The following DCLK1 variants were observed in gnomAD, a reference collection of about 807,000 sequenced individuals.
DCLK1 encodes the protein serine/threonine-protein kinase DCLK1.
Under a neutral mutation model 86.2 loss-of-function variants are expected in DCLK1, and 16 were observed. That is an observed-to-expected ratio of 0.19 (90% CI 0.13 to 0.28). DCLK1 has a LOEUF of 0.28. DCLK1 is among the 10% of genes least tolerant of loss of function. DCLK1 has a pLI of 1.00. For synonymous variants in DCLK1, 369 were observed against 370.5 expected (o/e 1.00, Z 0.05); for missense variants, 590 against 940.2 (o/e 0.63, Z 4.87).
At chr13:35,918,479 T>C (rs894655469) in intron 4 of DCLK1, among the ~76,000 whole-genome samples, 1 of 152,168 alleles carries the variant, frequency 6.6e-6, no homozygotes, top group Non-Finnish European at 1.5e-5. Context: ...ATATGACACT[T>C]ATTGCATAGT....
intron 4 of DCLK1, among the ~76,000 whole-genome samples, chr13:35,912,640 A>G (rs1433232343): frequency 6.6e-6 from 1 of 152,144 alleles, no homozygotes. Context: ...TCTATCACTA[A>G]GTAAAATTTT....
At chr13:35,805,564 G>A (rs994250071) in intron 15 of DCLK1, 135 bp downstream of exon 15, 5 of 827,724 alleles carry the variant, frequency 6.0e-6, no homozygotes, top group South Asian at 2.0e-5. Flanking sequence ...CTCCCAAAGG[G>A]CTGAGATTAC....
intron 3 of DCLK1, among the ~76,000 whole-genome samples, chr13:36,070,702 C>T (rs1883943494): frequency 1.3e-5 from 2 of 151,802 alleles, no homozygotes; most frequent in Non-Finnish European, 2.9e-5. Context: ...AGTGCAATGG[C>T]GCAATCTCGG....
intron 4 of DCLK1, 25 bp downstream of exon 4, chr13:35,947,333 G>A: frequency 6.2e-7 from 1 of 1,602,102 alleles, no homozygotes; most frequent in African/African-American, 1.3e-5. Context: ...AATTTCCCCT[G>A]GTTTTGAACT....
At chr13:36,034,959 C>T (rs143784072) in intron 3 of DCLK1, among the ~76,000 whole-genome samples, 141 of 152,262 alleles carry the variant, frequency 9.3e-4, no homozygotes, top group African/African-American at 3.0e-3. Flanking sequence ...AAAGGTCACA[C>T]GTGCAGCATA....
intron 3 of DCLK1, among the ~76,000 whole-genome samples, chr13:36,092,932 T>A (rs7995167): frequency 0.59 from 89,401 of 151,986 alleles, 26,752 homozygotes; most frequent in East Asian, 0.87. Context: ...ATAGGTATAA[T>A]CTGAATTTTA....
At chr13:35,975,239 C>T (rs1438994981) in intron 3 of DCLK1, among the ~76,000 whole-genome samples, 1 of 152,172 alleles carries the variant, frequency 6.6e-6, no homozygotes, top group African/African-American at 2.4e-5. Flanking sequence ...TGTGAGGGAC[C>T]AGTAGGCTTG....
At chr13:35,951,527 C>T (rs1041657025) in intron 3 of DCLK1, among the ~76,000 whole-genome samples, 4 of 151,098 alleles carry the variant, frequency 2.6e-5, no homozygotes, top group Non-Finnish European at 5.9e-5. Flanking sequence ...TCTCTATCCA[C>T]TCTAATCCAA....
chr13:35,960,305 T>C (rs971065376), intron 3 of DCLK1, among the ~76,000 whole-genome samples: 2 of 152,154 alleles, frequency 1.3e-5, no homozygotes, highest in African/African-American at 2.4e-5. Flanking sequence ...TAATTTTCCT[T>C]CTGGCCACAT....
chr13:35,873,013 C>T (rs1031859117), intron 4 of DCLK1, among the ~76,000 whole-genome samples: 5 of 152,104 alleles, frequency 3.3e-5, no homozygotes, highest in Non-Finnish European at 7.4e-5. Context: ...CTTATTCAAT[C>T]ATTCCCCTAT....
intron 16 of DCLK1, among the ~76,000 whole-genome samples, chr13:35,782,638 G>GA (rs34054860): frequency 1.3e-5 from 2 of 152,058 alleles, no homozygotes; most frequent in Admixed American, 6.5e-5. Context: ...TGTCTATCCT[G>GA]AAAAAATCAG....
At chr13:36,062,042 T>A (rs1214242223) in intron 3 of DCLK1, among the ~76,000 whole-genome samples, 1 of 152,244 alleles carries the variant, frequency 6.6e-6, no homozygotes, top group Non-Finnish European at 1.5e-5. Context: ...TGACTTCTGG[T>A]TGTGATTCAC....
chr13:35,836,512 G>T (rs933959215), intron 7 of DCLK1, among the ~76,000 whole-genome samples: 16 of 152,150 alleles, frequency 1.1e-4, no homozygotes, highest in Non-Finnish European at 1.2e-4. Context: ...CATGTATGGC[G>T]CAGGAGGCAA....
chr13:35,803,050 T>G (rs2153101382), intron 15 of DCLK1, among the ~76,000 whole-genome samples: 1 of 152,328 alleles, frequency 6.6e-6, no homozygotes, highest in East Asian at 1.9e-4. Context: ...AACATTACCA[T>G]GTTTTCATGT....
chr13:35,879,620 G>A (rs1872770872), intron 4 of DCLK1, among the ~76,000 whole-genome samples: 1 of 152,126 alleles, frequency 6.6e-6, no homozygotes, highest in African/African-American at 2.4e-5. Flanking sequence ...TCTTATCTCT[G>A]TCAAACCTGA....
chr13:35,829,805 C>A (rs1021751097), intron 8 of DCLK1, among the ~76,000 whole-genome samples: 3 of 152,166 alleles, frequency 2.0e-5, no homozygotes, highest in Admixed American at 6.5e-5. Flanking sequence ...TGCTTCGGGG[C>A]TCCCCTCCTG....
At chr13:35,869,363 C>G in intron 5 of DCLK1, among the ~76,000 whole-genome samples, 1 of 152,184 alleles carries the variant, frequency 6.6e-6, no homozygotes, top group East Asian at 1.9e-4. Flanking sequence ...AGGTGACTGA[C>G]TCTCTGAGGC....
At chr13:36,110,389 A>C (rs1314179115) in intron 3 of DCLK1, among the ~76,000 whole-genome samples, 1 of 152,160 alleles carries the variant, frequency 6.6e-6, no homozygotes, top group African/African-American at 2.4e-5. Flanking sequence ...CCTTATCCGC[A>C]TATTACTTAG....
intron 16 of DCLK1, among the ~76,000 whole-genome samples, chr13:35,781,534 A>G (rs561456939): frequency 2.6e-4 from 40 of 152,318 alleles, no homozygotes; most frequent in African/African-American, 8.9e-4. Context: ...TTCACAAGAG[A>G]TGTACTCACT....
Sources: gnomAD v4.1 joint callset for allele counts (sites outside exome capture counted in the v4.1 genomes callset) on GRCh38, gnomAD v4.1.1 for gene constraint, MANE v1.5 for transcripts, NCBI Gene and HGNC (gene_info 2026-07-23, HGNC 2026-07-21) for gene names.